Variants in DPP10 observed in about 807,000 individuals in gnomAD.
DPP10 encodes dipeptidyl peptidase like 10.
Under a neutral mutation model 120.9 loss-of-function variants are expected in DPP10, and 33 were observed. The ratio of observed to expected loss-of-function variants is 0.27; its 90% CI spans 0.21 to 0.37. The LOEUF is 0.37. DPP10 is among the 10% of genes least tolerant of loss of function. The probability of loss-of-function intolerance (pLI) is 1.00; values close to 1 mark genes in which losing one functional copy is unlikely to be tolerated. For missense variants in DPP10, 816 were observed against 942.8 expected (o/e 0.87, Z 1.76); for synonymous variants, 337 against 326.1 (o/e 1.03, Z -0.36).
chr2:114,715,984 C>T (rs1212955457), intron 1 of DPP10, among the ~76,000 whole-genome samples: 7 of 151,352 alleles, frequency 4.6e-5, no homozygotes, highest in Non-Finnish European at 8.8e-5. Context: ...GGTTTTTATA[C>T]TGGACTTGAA....
intron 1 of DPP10, among the ~76,000 whole-genome samples, chr2:114,623,961 T>A (rs1226111566): frequency 6.6e-6 from 1 of 152,060 alleles, no homozygotes; most frequent in Non-Finnish European, 1.5e-5. Flanking sequence ...TATCCTCGTC[T>A]GTCATATAGG....
At chr2:115,475,985 T>C in intron 3 of DPP10, among the ~76,000 whole-genome samples, 1 of 152,200 alleles carries the variant, frequency 6.6e-6, no homozygotes, top group East Asian at 1.9e-4. Context: ...AGGAACTTGC[T>C]TTGTCTCAGA....
chr2:114,733,902 A>G (rs1677168817), intron 1 of DPP10, among the ~76,000 whole-genome samples: 2 of 152,172 alleles, frequency 1.3e-5, no homozygotes, highest in Admixed American at 6.6e-5. Flanking sequence ...ATATCATTTT[A>G]CTAAGCTCAT....
intron 1 of DPP10, among the ~76,000 whole-genome samples, chr2:114,955,208 A>T (rs56060337): frequency 0.13 from 20,385 of 152,158 alleles, 1,512 homozygotes; most frequent in Non-Finnish European, 0.16. Flanking sequence ...CCCTTTTTAG[A>T]CCATATAGGG....
intron 1 of DPP10, among the ~76,000 whole-genome samples, chr2:115,281,361 C>T (rs188633662): frequency 9.9e-5 from 15 of 152,252 alleles, no homozygotes; most frequent in African/African-American, 3.1e-4. Flanking sequence ...GCAGAATTCC[C>T]GTAGAGTAAT....
chr2:114,525,569 T>G (rs775331966), intron 1 of DPP10, among the ~76,000 whole-genome samples: 11 of 152,218 alleles, frequency 7.2e-5, no homozygotes, highest in Non-Finnish European at 1.6e-4. Flanking sequence ...ATGAGGAAAC[T>G]GAGGCTTAGA....
chr2:115,746,321 G>A (rs1334433704), intron 10 of DPP10, 138 bp downstream of exon 10: 10 of 757,972 alleles, frequency 1.3e-5, no homozygotes, highest in Non-Finnish European at 2.2e-5. Context: ...ACATTAGTGA[G>A]GAATGAAGTC....
At chr2:115,604,912 C>T (rs542267096) in intron 5 of DPP10, among the ~76,000 whole-genome samples, 11 of 152,200 alleles carry the variant, frequency 7.2e-5, no homozygotes, top group South Asian at 2.1e-4. Context: ...CATTAATTAC[C>T]GAATGATTTA....
chr2:115,058,147 A>C (rs1359795884), intron 1 of DPP10, among the ~76,000 whole-genome samples: 1 of 152,190 alleles, frequency 6.6e-6, no homozygotes, highest in East Asian at 1.9e-4. Context: ...AGACTCTGCG[A>C]GAACATTCCC....
Position 114,943,430 on chromosome 2 carries a change from C to T in DPP10, c.61-365809C>T, listed in dbSNP as rs368735787. Among the ~76,000 whole-genome samples, 27 of 152,154 alleles carry T rather than the reference C, an allele frequency of 1.8e-4. No homozygotes were observed. The East Asian group carries it at 3.9e-3, about 22-fold the overall frequency. ...CTGGGATTACAGGTGTGTGCCACCA[C>T]GCCCAGCTAATTTTTATATTCTTAG... On this transcript the variant is annotated intron_variant, in intron 1 of 25. Transcript: ENST00000410059.
rs542377854 is a variant in DPP10 at position 115,304,278 on chromosome 2, G to A, written c.61-4961G>A. Among the ~76,000 whole-genome samples, 274 of 151,968 alleles carry A rather than the reference G, an allele frequency of 1.8e-3. 1 individual carries two copies. The highest frequency in any genetic ancestry group is 5.9e-3 in the African/African-American group (245 of 41,480). ...AGATTCTATGTGAAGATGTATTGAA[G>A]CAAGTCAATATAGGGAAGGGATAAA... On this transcript the variant is annotated intron_variant, in intron 1 of 25. Transcript: ENST00000410059.
chr2:114,516,574 CCTTGTATTAGA>C (rs1360293311), intron 1 of DPP10, among the ~76,000 whole-genome samples: 2 of 152,108 alleles, frequency 1.3e-5, no homozygotes, highest in African/African-American at 4.8e-5. Context: ...AGGAGAAATG[CCTTGTATTAGA>C]CTATTATATC....
chr2:115,659,691 T>G (rs2088736396), intron 5 of DPP10, among the ~76,000 whole-genome samples: 1 of 152,308 alleles, frequency 6.6e-6, no homozygotes, highest in East Asian at 1.9e-4. Context: ...AGGTAGGTTT[T>G]TGTATGTCTA....
At chr2:114,471,905 C>A (rs2104619097) in intron 1 of DPP10, among the ~76,000 whole-genome samples, 1 of 152,306 alleles carries the variant, frequency 6.6e-6, no homozygotes, top group East Asian at 1.9e-4. Context: ...AGAAAACAAA[C>A]CACAGGATTG....
At chr2:115,110,630 T>C (rs1430098840) in intron 1 of DPP10, among the ~76,000 whole-genome samples, 2 of 152,118 alleles carry the variant, frequency 1.3e-5, no homozygotes, top group African/African-American at 2.4e-5. Context: ...CATTAAAATA[T>C]ATATAGATGA....
At chr2:115,728,002 A>G in intron 8 of DPP10, 66 bp downstream of exon 8, 1 of 1,528,222 alleles carries the variant, frequency 6.5e-7, no homozygotes, top group Non-Finnish European at 8.8e-7. Flanking sequence ...TCTACCAAAA[A>G]AAATCTATTC....
intron 1 of DPP10, among the ~76,000 whole-genome samples, chr2:114,507,205 A>G (rs1190449999): frequency 6.6e-6 from 1 of 150,958 alleles, no homozygotes. Context: ...GCACTACAAC[A>G]CCCCAGGTAA....
At chr2:115,256,264 TG>T in intron 1 of DPP10, among the ~76,000 whole-genome samples, 1 of 134,238 alleles carries the variant, frequency 7.4e-6, no homozygotes, top group Non-Finnish European at 1.7e-5. Flanking sequence ...TCAGATCTCG[TG>T]AGAATTCACT....
At chr2:115,340,947 C>T (rs1008402762) in intron 2 of DPP10, among the ~76,000 whole-genome samples, 6 of 151,830 alleles carry the variant, frequency 4.0e-5, no homozygotes, top group Admixed American at 2.0e-4. Flanking sequence ...TTGAAGGGAT[C>T]TGATTAGACA....
Sources: allele counts gnomAD v4.1 joint callset (sites outside exome capture counted in the v4.1 genomes callset), GRCh38; gene constraint gnomAD v4.1.1; transcripts MANE v1.5; gene names NCBI Gene and HGNC (gene_info 2026-07-23, HGNC 2026-07-21).